Variants in STK24 observed in about 807,000 individuals in gnomAD.
The protein encoded by STK24 is serine/threonine-protein kinase 24.
A neutral mutation model predicts 55.6 loss-of-function variants in STK24; 21 were observed. The ratio of observed to expected loss-of-function variants is 0.38; its 90% CI spans 0.27 to 0.54. STK24 has a LOEUF of 0.54. STK24 is among the 20% of genes least tolerant of loss of function. The pLI, the probability that STK24 is intolerant of heterozygous loss-of-function variation, is 0.79. For missense variants in STK24, 383 were observed against 538.4 expected, an observed-to-expected ratio of 0.71 and a Z score of 2.86; for synonymous variants, 200 against 215.2, an observed-to-expected ratio of 0.93 and a Z score of 0.62.
rs1594572737 is a variant in STK24 at position 98,460,278 on chromosome 13, C to A, written c.1122+94G>T. On this transcript the variant is annotated intron_variant, in intron 9 of 10. Transcript: ENST00000539966. ...AGCCTTTGCCAGCTTGTCTTAATGTCCCCAACTCTTAACTGGCAACATCAC... is the reference window on the plus strand; with the variant it reads ...AGCCTTTGCCAGCTTGTCTTAATGTACCCAACTCTTAACTGGCAACATCAC... 4 of 1,194,000 alleles carry A rather than the reference C, an allele frequency of 3.4e-6. No homozygotes were observed. In the East Asian group the frequency reaches 9.6e-5, roughly 29 times the overall value. The allele number at this position is 1,194,000 out of a possible 1,614,324, so 74.0% of individuals were successfully genotyped here. A position where few individuals can be genotyped will look rare whatever the true frequency, so the allele number is the denominator to read the frequency against.
intron 1 of STK24, among the ~76,000 whole-genome samples, chr13:98,548,297 A>G (rs1475334440): frequency 1.3e-5 from 2 of 152,184 alleles, no homozygotes. Context: ...AACTGGACAT[A>G]GTAAGTGCTC....
intron 1 of STK24, among the ~76,000 whole-genome samples, chr13:98,573,338 C>A (rs953121870): frequency 1.3e-5 from 2 of 152,236 alleles, no homozygotes; most frequent in African/African-American, 4.8e-5. Context: ...CTGCCTCCAT[C>A]TGAAGCTTTT....
At chr13:98,569,135 G>C (rs56304412) in intron 1 of STK24, among the ~76,000 whole-genome samples, 8,960 of 152,150 alleles carry the variant, frequency 0.059, 563 homozygotes, top group African/African-American at 0.15. Flanking sequence ...GGTCCAGGAA[G>C]AACAGCACAG....
At chr13:98,518,292 C>T (rs1264271986) in intron 2 of STK24, among the ~76,000 whole-genome samples, 6 of 152,226 alleles carry the variant, frequency 3.9e-5, no homozygotes, top group South Asian at 2.1e-4. Flanking sequence ...AAAACCTACA[C>T]GCTCCCTTCT....
At chr13:98,513,571 C>T (rs1306667528) in intron 2 of STK24, among the ~76,000 whole-genome samples, 2 of 152,124 alleles carry the variant, frequency 1.3e-5, no homozygotes, top group Admixed American at 6.5e-5. Context: ...CTAGGTGGCT[C>T]GGTTCTCTTC....
At chr13:98,514,529 G>T (rs1188538724) in intron 2 of STK24, among the ~76,000 whole-genome samples, 1 of 152,158 alleles carries the variant, frequency 6.6e-6, no homozygotes, top group African/African-American at 2.4e-5. Context: ...TTAGTCTTCT[G>T]GTGAATCTGA....
At chr13:98,463,965 G>T (rs1306765497) in intron 6 of STK24, 129 bp from the exon 7 acceptor site, 2 of 1,064,732 alleles carry the variant, frequency 1.9e-6, no homozygotes, top group Non-Finnish European at 2.7e-6. Flanking sequence ...ACTCCACAGC[G>T]CTTCTCACTG....
chr13:98,491,449 T>TAACATC (rs1468170537), intron 2 of STK24, among the ~76,000 whole-genome samples: 1 of 152,172 alleles, frequency 6.6e-6, no homozygotes, highest in Non-Finnish European at 1.5e-5. Context: ...AAGGCCGCTG[T>TAACATC]AACATCAACA....
chr13:98,535,863 C>T (rs1380181927), intron 1 of STK24, among the ~76,000 whole-genome samples: 1 of 152,200 alleles, frequency 6.6e-6, no homozygotes. Flanking sequence ...ACTAGAATGC[C>T]AGGAGTAAAA....
intron 5 of STK24, among the ~76,000 whole-genome samples, chr13:98,467,757 G>T (rs1396068066): frequency 6.6e-6 from 1 of 152,138 alleles, no homozygotes; most frequent in Non-Finnish European, 1.5e-5. Context: ...GCAAAGGAAT[G>T]AATTCCTTGA....
chr13:98,447,026 G>A lies in STK24; in HGVS notation c.*6147C>T, dbSNP rs974786477. On this transcript the variant is annotated 3_prime_UTR_variant, in exon 11 of 11. Transcript: ENST00000539966. ...CCCAACTTCCCTGCGCCCTTACCCT[G>A]CACGGTGTTGGCTGAGGCCCTAGAC... is the stretch of plus-strand genomic sequence containing the variant. 2 of 550,186 alleles carry A rather than the reference G, an allele frequency of 3.6e-6. No individual in the cohort carries two copies. Among genetic ancestry groups the A allele is most frequent in the South Asian group, 2.2e-5 (1 of 46,224 alleles). 34.1% of individuals were successfully genotyped at this position (550,186 alleles called of 1,614,324 possible). A position where few individuals can be genotyped will look rare whatever the true frequency, so the allele number is the denominator to read the frequency against.
intron 2 of STK24, among the ~76,000 whole-genome samples, chr13:98,492,659 AT>A (rs1246516129): frequency 6.6e-6 from 1 of 151,916 alleles, no homozygotes; most frequent in East Asian, 1.9e-4. Flanking sequence ...CAACCCCACA[AT>A]TTTTCTCTCC....
intron 5 of STK24, among the ~76,000 whole-genome samples, chr13:98,474,494 C>T (rs936362901): frequency 2.6e-5 from 4 of 152,124 alleles, no homozygotes; most frequent in South Asian, 2.1e-4. Flanking sequence ...TGCAACCGCA[C>T]ACGCCTCCAC....
intron 2 of STK24, among the ~76,000 whole-genome samples, chr13:98,482,542 GC>G (rs1171790606): frequency 6.6e-6 from 1 of 152,296 alleles, no homozygotes; most frequent in African/African-American, 2.4e-5. Flanking sequence ...GTGCTCGGGG[GC>G]CCGCACCTGA....
At chr13:98,502,788 G>A (rs1895525960) in intron 2 of STK24, among the ~76,000 whole-genome samples, 1 of 152,078 alleles carries the variant, frequency 6.6e-6, no homozygotes, top group Admixed American at 6.5e-5. Context: ...CCCAGTCTAT[G>A]GTAACTACCC....
intron 1 of STK24, among the ~76,000 whole-genome samples, chr13:98,552,318 C>T (rs934665021): frequency 6.6e-6 from 1 of 152,098 alleles, no homozygotes; most frequent in South Asian, 2.1e-4. Context: ...AGACCCTGGA[C>T]GCTGGGTACC....
At chr13:98,569,422 A>C (rs112175484) in intron 1 of STK24, among the ~76,000 whole-genome samples, 68 of 148,040 alleles carry the variant, frequency 4.6e-4, no homozygotes, top group African/African-American at 1.2e-3. Flanking sequence ...ACAAAAAAAA[A>C]AAAACAAAAA....
chr13:98,497,231 C>A (rs1895283035), intron 2 of STK24, among the ~76,000 whole-genome samples: 1 of 152,158 alleles, frequency 6.6e-6, no homozygotes, highest in Non-Finnish European at 1.5e-5. Flanking sequence ...CTCCCTGACC[C>A]CTCCACTGAG....
At chr13:98,508,176 T>A (rs59704350) in intron 2 of STK24, among the ~76,000 whole-genome samples, 27,374 of 151,672 alleles carry the variant, frequency 0.18, 2,893 homozygotes, top group Non-Finnish European at 0.24. Flanking sequence ...AGAAAAAAAA[T>A]AAATATATTT....
Sources: gnomAD v4.1 joint callset for allele counts (sites outside exome capture counted in the v4.1 genomes callset) on GRCh38, gnomAD v4.1.1 for gene constraint, MANE v1.5 for transcripts, NCBI Gene and HGNC (gene_info 2026-07-23, HGNC 2026-07-21) for gene names.